DUSP19: variants seen among roughly 807,000 people sequenced by gnomAD.
The protein encoded by DUSP19 is dual specificity phosphatase 19.
Under a neutral mutation model 16.6 loss-of-function variants are expected in DUSP19, and 14 were observed. The ratio of observed to expected loss-of-function variants is 0.84; its 90% CI spans 0.56 to 1.32. DUSP19 has a LOEUF of 1.32. DUSP19 is among the 40% of genes most tolerant of loss of function. DUSP19 has a pLI of 0.00. For missense variants in DUSP19, 258 were observed against 255.9 expected, an observed-to-expected ratio of 1.01 and a Z score of -0.06; for synonymous variants, 81 against 90.5, an observed-to-expected ratio of 0.90 and a Z score of 0.59.
chr2:183,091,242 T>G (rs942298200), intron 3 of DUSP19, among the ~76,000 whole-genome samples: 1 of 152,134 alleles, frequency 6.6e-6, no homozygotes, highest in Non-Finnish European at 1.5e-5. Context: ...TTCACGAAGT[T>G]TTTAGATGCT....
intron 3 of DUSP19, among the ~76,000 whole-genome samples, chr2:183,089,292 C>T (rs1016113508): frequency 3.3e-5 from 5 of 152,164 alleles, no homozygotes; most frequent in African/African-American, 1.2e-4. Flanking sequence ...TACAGCTACT[C>T]TACCACCCAA....
intron 2 of DUSP19, among the ~76,000 whole-genome samples, chr2:183,086,556 C>T (rs1699664284): frequency 6.7e-6 from 1 of 150,330 alleles, no homozygotes; most frequent in African/African-American, 2.5e-5. Flanking sequence ...CCTGTAATGC[C>T]AGCACTGTGG....
rs1217226333 is a variant in DUSP19, at chr2:183,096,773, A to G, written c.*1115A>G. 1.3e-5 allele frequency: 2 copies of G among 152,278 alleles called. No individual in the cohort carries two copies. The allele number at this position is 152,278 out of a possible 1,614,324, so 9.4% of individuals were successfully genotyped here. On this transcript the variant is annotated 3_prime_UTR_variant, in exon 4 of 4. Transcript: ENST00000354221. ...TGTTTAGTGGTCTGTTTTCTACTTCAGTATTCTACCAGAGAACATATTTTT... is the reference window on the plus strand; with the variant it reads ...TGTTTAGTGGTCTGTTTTCTACTTCGGTATTCTACCAGAGAACATATTTTT...
rs539923171 is a variant in DUSP19, at chr2:183,090,741, G to A, written c.426+3549G>A. ...GGGCAACTTCATGACTTTATTTGTGGTACCTGTGCTTTATCTTGAAAATAC... is the reference window on the plus strand; with the variant it reads ...GGGCAACTTCATGACTTTATTTGTGATACCTGTGCTTTATCTTGAAAATAC... On this transcript the variant is annotated intron_variant, in intron 3 of 3. Transcript: ENST00000354221. 3.9e-5 allele frequency among the ~76,000 whole-genome samples: 6 copies of A among 152,112 alleles called. 1 individual carries two copies. The South Asian group carries it at 1.2e-3, about 32-fold the overall frequency.
At chr2:183,093,377 G>A (rs1356901915) in intron 3 of DUSP19, among the ~76,000 whole-genome samples, 3 of 152,142 alleles carry the variant, frequency 2.0e-5, no homozygotes, top group Non-Finnish European at 4.4e-5. Flanking sequence ...AGATGGTTAA[G>A]ACATTCCTCA....
chr2:183,083,304 T>A, intron 1 of DUSP19: 1 of 477,758 alleles, frequency 2.1e-6, no homozygotes, highest in Non-Finnish European at 3.7e-6. Context: ...CTATAACTTT[T>A]AGGACAAATT....
At chr2:183,085,326 G>C (rs1000562149) in intron 2 of DUSP19, among the ~76,000 whole-genome samples, 2 of 152,150 alleles carry the variant, frequency 1.3e-5, no homozygotes. Context: ...GTCCGCAGTG[G>C]GAAAGGAGGA....
At chr2:183,092,446 T>C (rs533575518) in intron 3 of DUSP19, among the ~76,000 whole-genome samples, 1 of 152,250 alleles carries the variant, frequency 6.6e-6, no homozygotes, top group Admixed American at 6.5e-5. Context: ...CATGTGTCTA[T>C]GTGTTCACGT....
chr2:183,080,103 T>C (rs777355530), intron 1 of DUSP19, among the ~76,000 whole-genome samples: 4 of 152,208 alleles, frequency 2.6e-5, no homozygotes, highest in Non-Finnish European at 5.9e-5. Flanking sequence ...AACAGACGTA[T>C]GCATCAAGCC....
rs1377896506 is a variant in DUSP19 at position 183,097,538 on chromosome 2, T to C, written c.*1880T>C. On this transcript the variant is annotated 3_prime_UTR_variant, in exon 4 of 4. Transcript: ENST00000354221. The stretch of plus-strand genomic sequence containing the variant: ...GAAGTGATAAATGCAAGTTATGTTT[T>C]GAGATTGCTTACACCGTGACAAGAT... 6.6e-6 allele frequency: 1 copy of C among 152,206 alleles called. No homozygotes were observed. The highest frequency in any genetic ancestry group is 1.5e-5 in the Non-Finnish European group (1 of 68,046). 9.4% of individuals were successfully genotyped at this position (152,206 alleles called of 1,614,324 possible).
chr2:183,081,057 G>A (rs1387049692), intron 1 of DUSP19, among the ~76,000 whole-genome samples: 2 of 152,124 alleles, frequency 1.3e-5, no homozygotes, highest in Non-Finnish European at 2.9e-5. Flanking sequence ...ACAACTTTTG[G>A]TTTGGGTGAT....
chr2:183,092,413 C>T (rs926507226), intron 3 of DUSP19, among the ~76,000 whole-genome samples: 6 of 152,096 alleles, frequency 3.9e-5, no homozygotes, highest in Non-Finnish European at 5.9e-5. Context: ...CCCGACAGGC[C>T]CCCAGTTTGT....
intron 3 of DUSP19, among the ~76,000 whole-genome samples, chr2:183,093,044 T>C (rs1699753233): frequency 6.6e-6 from 1 of 152,158 alleles, no homozygotes; most frequent in Admixed American, 6.5e-5. Flanking sequence ...GAAAAACACC[T>C]GGGCCTGGCT....
rs1157747929 is a variant in DUSP19 at position 183,097,681 on chromosome 2, T to C, written c.*2023T>C. On this transcript the variant is annotated 3_prime_UTR_variant, in exon 4 of 4. Transcript: ENST00000354221. ...GCCAACCAAGGCAGGCAGAACCCTC[T>C]TAAATATGAGACTGATGTATAGGTT... 1 of 152,166 alleles carries C rather than the reference T, an allele frequency of 6.6e-6. No individual in the cohort carries two copies. Among genetic ancestry groups the C allele is most frequent in the Non-Finnish European group, 1.5e-5 (1 of 68,044 alleles). 9.4% of individuals were successfully genotyped at this position (152,166 alleles called of 1,614,324 possible).
rs548583863 is a variant in DUSP19, at chr2:183,079,257, T to C, written c.226+98T>C. The C allele has an allele frequency of 4.6e-5, 56 of 1,208,504 alleles. No individual in the cohort carries two copies. In the African/African-American group the frequency reaches 8.6e-4, roughly 18 times the overall value. The allele number at this position is 1,208,504 out of a possible 1,614,324, so 74.9% of individuals were successfully genotyped here. A position where few individuals can be genotyped will look rare whatever the true frequency, so the allele number is the denominator to read the frequency against. ...GCGTAATAGTCTGTATTATCAGCTA[T>C]CCTGCCGAAAAGCTGAACTGTTTCC... On this transcript the variant is annotated intron_variant, in intron 1 of 3. Coordinates refer to ENST00000354221, the MANE Select transcript of DUSP19 (RefSeq NM_080876.4).
intron 3 of DUSP19, among the ~76,000 whole-genome samples, chr2:183,095,173 T>A (rs78581003): frequency 0.021 from 3,136 of 152,304 alleles, 48 homozygotes; most frequent in Non-Finnish European, 0.032. Flanking sequence ...AGATACTGTT[T>A]CAGAATTCCA....
chr2:183,091,838 C>T (rs376097426), intron 3 of DUSP19, among the ~76,000 whole-genome samples: 81 of 152,282 alleles, frequency 5.3e-4, no homozygotes, highest in African/African-American at 1.8e-3. Flanking sequence ...TCTGGGAAAT[C>T]GGAGTAAAAC....
At chr2:183,080,545 C>T (rs1699579982) in intron 1 of DUSP19, among the ~76,000 whole-genome samples, 1 of 152,100 alleles carries the variant, frequency 6.6e-6, no homozygotes, top group African/African-American at 2.4e-5. Flanking sequence ...AAAATACGTC[C>T]TGGCACATTT....
intron 1 of DUSP19, among the ~76,000 whole-genome samples, chr2:183,082,419 C>CTT (rs71008260): frequency 0.015 from 1,232 of 84,830 alleles, 44 homozygotes; most frequent in African/African-American, 0.037. Flanking sequence ...GAACATTTTT[C>CTT]TTTTTTTTTT....
Sources: gnomAD v4.1 joint callset for allele counts (sites outside exome capture counted in the v4.1 genomes callset) on GRCh38, gnomAD v4.1.1 for gene constraint, MANE v1.5 for transcripts, NCBI Gene and HGNC (gene_info 2026-07-23, HGNC 2026-07-21) for gene names.